Variants in DAB1 observed in about 807,000 individuals in gnomAD.
DAB1 encodes the protein disabled homolog 1.
Under a neutral mutation model 64.6 loss-of-function variants are expected in DAB1, and 15 were observed. The ratio of observed to expected loss-of-function variants is 0.23; its 90% CI spans 0.16 to 0.36. The LOEUF (loss-of-function observed/expected upper bound fraction) is 0.36, where lower values mean the gene tolerates loss of function less well. DAB1 is among the 10% of genes least tolerant of loss of function. The probability of loss-of-function intolerance (pLI) is 1.00; values close to 1 mark genes in which losing one functional copy is unlikely to be tolerated. For synonymous variants in DAB1, 235 were observed against 251.9 expected, an observed-to-expected ratio of 0.93 and a Z score of 0.64; for missense variants, 596 against 706.7, an observed-to-expected ratio of 0.84 and a Z score of 1.78.
chr1:57,641,378 G>GTTTTTTTTTTTTTTTTTTTTTTTT lies in DAB1; in HGVS notation n.625+8213_625+8214insAAAAAAAAAAAAAAAAAAAAAAAA, dbSNP rs1491296848. On this transcript the variant is annotated intron_variant and non_coding_transcript_variant, in intron 7 of 20. Transcript: ENST00000485760. ...TGCCCAGTTCCCTCTTTTTTTTGTT[G>GTTTTTTTTTTTTTTTTTTTTTTTT]GTTTTTTTTTTTTTTTTTTTTTTGA... Among the ~76,000 whole-genome samples, 2 of 109,804 alleles carry GTTTTTTTTTTTTTTTTTTTTTTTT rather than the reference G, an allele frequency of 1.8e-5. 1 individual carries two copies. The allele number at this position is 109,804 out of a possible 152,430, so 72.0% of individuals were successfully genotyped here. A position where few individuals can be genotyped will look rare whatever the true frequency, so the allele number is the denominator to read the frequency against.
intron 3 of DAB1, among the ~76,000 whole-genome samples, chr1:58,448,610 T>C (rs1645097944): frequency 1.3e-5 from 2 of 152,066 alleles, no homozygotes; most frequent in Non-Finnish European, 2.9e-5. Flanking sequence ...GCTCCAATTA[T>C]AGGAGGAAAC....
intron 5 of DAB1, among the ~76,000 whole-genome samples, chr1:58,116,699 C>G (rs931424005): frequency 6.6e-6 from 1 of 152,166 alleles, no homozygotes; most frequent in East Asian, 1.9e-4. Context: ...AATAAAGAAG[C>G]TAGACTTCAA....
chr1:57,673,165 T>G (rs1032420679), intron 6 of DAB1, among the ~76,000 whole-genome samples: 1 of 152,082 alleles, frequency 6.6e-6, no homozygotes, highest in Non-Finnish European at 1.5e-5. Context: ...ATGGCCATCT[T>G]CTTCTCGCTG....
At chr1:57,951,575 G>T (rs1485370451) in intron 5 of DAB1, among the ~76,000 whole-genome samples, 1 of 151,964 alleles carries the variant, frequency 6.6e-6, no homozygotes, top group African/African-American at 2.4e-5. Flanking sequence ...CCTAGCAGCA[G>T]AGCTTTGGGA....
At chr1:57,783,118 T>TTTTC (rs1650187600) in intron 6 of DAB1, among the ~76,000 whole-genome samples, 1 of 145,344 alleles carries the variant, frequency 6.9e-6, no homozygotes, top group Non-Finnish European at 1.5e-5. Flanking sequence ...TTTTTTTTTT[T>TTTTC]TTTTTTACAG....
intron 7 of DAB1, among the ~76,000 whole-genome samples, chr1:57,606,655 GTATGAAATATA>G (rs1417520014): frequency 2.6e-5 from 2 of 76,126 alleles, no homozygotes; most frequent in African/African-American, 1.2e-4. Flanking sequence ...TATATATTAT[GTATGAAATATA>G]TATGAAATAT....
chr1:57,091,597 T>C (rs1282038660), intron 4 of DAB1, among the ~76,000 whole-genome samples: 1 of 152,176 alleles, frequency 6.6e-6, no homozygotes, highest in East Asian at 1.9e-4. Context: ...TTCTATATCA[T>C]CTTGATAGAA....
chr1:57,807,930 AG>A (rs1651440926), intron 6 of DAB1, among the ~76,000 whole-genome samples: 1 of 152,114 alleles, frequency 6.6e-6, no homozygotes, highest in Non-Finnish European at 1.5e-5. Flanking sequence ...TCTTTTCTCT[AG>A]CTTTATCGTA....
At chr1:57,800,281 G>T (rs1164462230) in intron 6 of DAB1, among the ~76,000 whole-genome samples, 2 of 152,140 alleles carry the variant, frequency 1.3e-5, no homozygotes, top group South Asian at 4.1e-4. Context: ...CAAGAGATGT[G>T]CTGGAGACAC....
intron 3 of DAB1, among the ~76,000 whole-genome samples, chr1:58,373,080 G>A (rs6694266): frequency 0.094 from 14,234 of 151,474 alleles, 687 homozygotes; most frequent in Middle Eastern, 0.17. Flanking sequence ...ACTTTTTGTA[G>A]TTCTCCGTAT....
chr1:58,294,865 C>CGTGTGTGTATGT (rs1661931607), intron 4 of DAB1, among the ~76,000 whole-genome samples: 1 of 137,634 alleles, frequency 7.3e-6, no homozygotes, highest in Non-Finnish European at 1.6e-5. Flanking sequence ...TGGTCCAGAA[C>CGTGTGTGTATGT]GTGTGTGTGT....
At chr1:58,056,854 G>C (rs1343187709) in intron 5 of DAB1, among the ~76,000 whole-genome samples, 1 of 152,014 alleles carries the variant, frequency 6.6e-6, no homozygotes, top group Admixed American at 6.6e-5. Context: ...CTCTGCTCAA[G>C]GTGGCTTCTT....
chr1:57,938,922 C>T (rs1337667215), intron 5 of DAB1, among the ~76,000 whole-genome samples: 1 of 151,988 alleles, frequency 6.6e-6, no homozygotes, highest in Non-Finnish European at 1.5e-5. Context: ...TGAGCCAAAC[C>T]AGTTATTAAA....
chr1:58,062,564 T>G (rs1364463869), intron 5 of DAB1, among the ~76,000 whole-genome samples: 1 of 152,166 alleles, frequency 6.6e-6, no homozygotes, highest in South Asian at 2.1e-4. Flanking sequence ...GCTCTGCTGC[T>G]CCACAGAGTC....
chr1:58,277,918 C>T (rs1661489198), intron 4 of DAB1, among the ~76,000 whole-genome samples: 1 of 152,206 alleles, frequency 6.6e-6, no homozygotes, highest in Non-Finnish European at 1.5e-5. Context: ...TCCATCCACA[C>T]CTGGATTGTA....
At chr1:57,921,900 C>CT (rs1364536645) in intron 5 of DAB1, among the ~76,000 whole-genome samples, 1 of 152,224 alleles carries the variant, frequency 6.6e-6, no homozygotes, top group Non-Finnish European at 1.5e-5. Flanking sequence ...CTTCTCCCTT[C>CT]TTGATCTTTC....
intron 2 of DAB1, among the ~76,000 whole-genome samples, chr1:57,211,722 G>T (rs570304516): frequency 3.9e-5 from 6 of 152,182 alleles, no homozygotes; most frequent in Admixed American, 6.5e-5. Context: ...CACATCTGAG[G>T]ATTCAACCAA....
chr1:57,715,118 T>C (rs1647069656), intron 6 of DAB1, among the ~76,000 whole-genome samples: 1 of 152,162 alleles, frequency 6.6e-6, no homozygotes. Context: ...GCAAAGATGG[T>C]TCAACATATG....
intron 6 of DAB1, among the ~76,000 whole-genome samples, chr1:57,751,377 G>C (rs1412276828): frequency 6.6e-6 from 1 of 152,124 alleles, no homozygotes; most frequent in Non-Finnish European, 1.5e-5. Flanking sequence ...AGCAGGTCCT[G>C]AGACACTGGT....
Sources: allele counts gnomAD v4.1 joint callset (sites outside exome capture counted in the v4.1 genomes callset), GRCh38; gene constraint gnomAD v4.1.1; transcripts MANE v1.5; gene names NCBI Gene and HGNC (gene_info 2026-07-23, HGNC 2026-07-21).